Variants in LOXHD1 observed in about 807,000 individuals in gnomAD.
The protein encoded by LOXHD1 is lipoxygenase homology domain-containing protein 1.
A neutral mutation model predicts 248.2 loss-of-function variants in LOXHD1; 205 were observed. The observed-to-expected ratio is 0.83, with a 90% CI of 0.74 to 0.93. The LOEUF (loss-of-function observed/expected upper bound fraction) is 0.93. Among genes scored for constraint, LOXHD1 ranks in the 40% least tolerant of loss-of-function variants. LOXHD1 has a pLI of 0.00. For synonymous variants in LOXHD1, 1,113 were observed against 1,162.8 expected (o/e 0.96, Z 0.87); for missense variants, 2,930 against 2,971.6 (o/e 0.99, Z 0.33).
At chr18:46,517,965 C>T (rs902387017) in intron 34 of LOXHD1, among the ~76,000 whole-genome samples, 164 bp downstream of exon 34, 1 of 151,996 alleles carries the variant, frequency 6.6e-6, no homozygotes, top group Non-Finnish European at 1.5e-5. Flanking sequence ...TTGAGCTGGC[C>T]CTTGAAAGAG....
chr18:46,562,982 C>A, intron 18 of LOXHD1, 83 bp downstream of exon 18: 1 of 1,456,402 alleles, frequency 6.9e-7, no homozygotes, highest in Non-Finnish European at 9.2e-7. Flanking sequence ...TGAGTATTGA[C>A]TGAGGAAATT....
chr18:46,591,823 G>T (rs895725678), intron 12 of LOXHD1, 110 bp downstream of exon 12: 2 of 1,362,008 alleles, frequency 1.5e-6, no homozygotes, highest in Non-Finnish European at 2.0e-6. Flanking sequence ...GCACTCTAAG[G>T]GGCCTGAAGA....
intron 34 of LOXHD1, 92 bp from the exon 35 acceptor site, chr18:46,509,907 G>T: frequency 2.2e-6 from 2 of 895,288 alleles, no homozygotes; most frequent in Non-Finnish European, 1.8e-6. Flanking sequence ...TGGGGTGAGG[G>T]AGAAGATTAG....
At chr18:46,533,587 C>A in intron 27 of LOXHD1, 1 of 439,512 alleles carries the variant, frequency 2.3e-6, no homozygotes, top group East Asian at 4.3e-5. Context: ...CCTGGAGACT[C>A]AGATTCAGTG....
intron 25 of LOXHD1, among the ~76,000 whole-genome samples, chr18:46,539,314 A>C (rs1415359292): frequency 6.6e-6 from 1 of 152,198 alleles, no homozygotes; most frequent in African/African-American, 2.4e-5. Context: ...TATAAAAGTT[A>C]GCTGGACGTG....
rs116665828 is a variant in LOXHD1, at chr18:46,638,024, G to A, written c.511+1592C>T. On this transcript the variant is annotated intron_variant, in intron 4 of 40. Transcript: ENST00000642948. ...CACAGTACAAATGTCCAATGATAAG[G>A]GATCCAGTGAATAAATGATGGTATC... Among the ~76,000 whole-genome samples, 917 of 152,164 alleles carry A rather than the reference G, an allele frequency of 6.0e-3. 12 individuals are homozygous for A. Among genetic ancestry groups the A allele is most frequent in the African/African-American group, 0.021 (878 of 41,504 alleles).
intron 14 of LOXHD1, among the ~76,000 whole-genome samples, chr18:46,574,818 C>G (rs1229924773): frequency 6.6e-6 from 1 of 152,116 alleles, no homozygotes; most frequent in Non-Finnish European, 1.5e-5. Context: ...GAAGACCAGA[C>G]AAGGGATTGG....
intron 17 of LOXHD1, among the ~76,000 whole-genome samples, chr18:46,564,537 C>A (rs1271321235): frequency 6.6e-6 from 1 of 151,254 alleles, no homozygotes; most frequent in African/African-American, 2.4e-5. Flanking sequence ...TCTCTAAAAA[C>A]TAAATAAATA....
chr18:46,507,402 G>T, intron 36 of LOXHD1, 136 bp downstream of exon 36: 1 of 912,640 alleles, frequency 1.1e-6, no homozygotes, highest in Non-Finnish European at 1.7e-6. Flanking sequence ...GCGACACACT[G>T]TGGAGAAAAC....
At chr18:46,479,661 C>T (rs2032379830) in intron 40 of LOXHD1, among the ~76,000 whole-genome samples, 3 of 151,134 alleles carry the variant, frequency 2.0e-5, no homozygotes, top group African/African-American at 4.9e-5. Context: ...CCTTTGAAAA[C>T]AAGCTGTCTT....
At chr18:46,623,621 G>T (rs1229839335) in intron 4 of LOXHD1, among the ~76,000 whole-genome samples, 1 of 152,252 alleles carries the variant, frequency 6.6e-6, no homozygotes, top group Non-Finnish European at 1.5e-5. Context: ...CCCTGTGGCA[G>T]GGGCACAAGG....
In LOXHD1 at chr18:46,560,407, C is replaced by T; in HGVS notation, c.2737G>A (p.Glu913Lys). The stretch of plus-strand genomic sequence containing the variant: ...TCCTTCTCCTTCTTCTTCCGGGCCT[C>T]CTCCTCCGGCGTGAGGTCCACCTCC... ...VREVDLTPEEEARKKKEKDKL... is the reference protein window; with the variant it reads ...VREVDLTPEEKARKKKEKDKL... The change falls in exon 19 of 41, where the codon GAG (glutamate) becomes AAG (lysine). Residue 913 changes from glutamate (E) to lysine (K), a missense_variant. Coordinates refer to ENST00000642948, the MANE Select transcript of LOXHD1 (RefSeq NM_001384474.1). 1 of 1,549,718 alleles carries T rather than the reference C, an allele frequency of 6.5e-7. No individual in the cohort carries two copies. The highest frequency in any genetic ancestry group is 2.0e-5 in the Admixed American group (1 of 51,060).
Position 46,541,942 on chromosome 18 carries a change from TAG to T in LOXHD1, c.3749-4_3749-3del, listed in dbSNP as rs2144362178. 1.9e-6 allele frequency: 3 copies of T among 1,549,854 alleles called. No individual in the cohort carries two copies. Among genetic ancestry groups the T allele is most frequent in the Admixed American group, 2.0e-5 (1 of 50,888 alleles). Reference sequence around the variant, plus strand: ...CTACAAACCAGCCTGGGGCCTTGCCTAGAGAGAGAGGAGACACAAAACCCATC... The same window carrying T: ...CTACAAACCAGCCTGGGGCCTTGCCTAGAGAGAGGAGACACAAAACCCATC... On this transcript the variant is annotated splice_region_variant and splice_polypyrimidine_tract_variant and intron_variant, in intron 24 of 40. Transcript: ENST00000642948.
At chr18:46,639,228 C>T (rs1405768824) in intron 4 of LOXHD1, among the ~76,000 whole-genome samples, 1 of 152,192 alleles carries the variant, frequency 6.6e-6, no homozygotes, top group African/African-American at 2.4e-5. Flanking sequence ...GGCTGTAACT[C>T]ACCTGCCTTG....
Position 46,560,066 on chromosome 18 carries a change from C to CCCCCCCCCCCCCCCCCCCT in LOXHD1, c.3061+16_3061+17insAGGGGGGGGGGGGGGGGGG. The CCCCCCCCCCCCCCCCCCCT allele has an allele frequency of 6.6e-7, 1 of 1,518,634 alleles. No individual in the cohort carries two copies. The highest frequency in any genetic ancestry group is 8.9e-7 in the Non-Finnish European group (1 of 1,119,628). The allele number at this position is 1,518,634 out of a possible 1,614,324, so 94.1% of individuals were successfully genotyped here. A position where few individuals can be genotyped will look rare whatever the true frequency, so the allele number is the denominator to read the frequency against. On this transcript the variant is annotated intron_variant, in intron 19 of 40. Transcript: ENST00000642948. ...TGGCCACTCCCTCCCCACCCCCACC[C>CCCCCCCCCCCCCCCCCCCT]CCCACGACCCACTTACGCTCAGGAC...
In LOXHD1 at chr18:46,483,589, A is replaced by G. The variant is rs181548456; in HGVS notation, c.6339T>C (p.Asn2113=). The G allele has an allele frequency of 2.8e-5, 44 of 1,550,450 alleles. No individual in the cohort carries two copies. The East Asian group carries it at 8.3e-4, about 29-fold the overall frequency. ...TTGGGGAGAGGCTCAGTACATACAC[A>G]TTGCCGTACTCCATCTCGGTGATGG... ...TITITEMEYG[N]VYFFNCDCLI... The change falls in exon 40 of 41, where the codon AAT becomes AAC. Residue 2113 remains asparagine (N), a splice_region_variant and synonymous_variant. Transcript: ENST00000642948.
chr18:46,556,526 C>T (rs755432342), intron 21 of LOXHD1, among the ~76,000 whole-genome samples: 8 of 152,226 alleles, frequency 5.3e-5, no homozygotes, highest in African/African-American at 1.2e-4. Flanking sequence ...CAGCCTGCAA[C>T]GTGGGCAAAC....
At chr18:46,575,758 C>T (rs550356623) in intron 14 of LOXHD1, among the ~76,000 whole-genome samples, 5 of 152,252 alleles carry the variant, frequency 3.3e-5, no homozygotes, top group Admixed American at 3.3e-4. Context: ...TTAAGCCACC[C>T]AGTCTGTGCA....
At chr18:46,574,420 C>CACACACACA (rs1568195079) in intron 14 of LOXHD1, among the ~76,000 whole-genome samples, 2 of 144,140 alleles carry the variant, frequency 1.4e-5, no homozygotes, top group East Asian at 2.0e-4. Context: ...CACACACACA[C>CACACACACA]CTGATCCTAG....
Sources: allele counts gnomAD v4.1 joint callset (sites outside exome capture counted in the v4.1 genomes callset), GRCh38; gene constraint gnomAD v4.1.1; transcripts MANE v1.5; gene names NCBI Gene and HGNC (gene_info 2026-07-23, HGNC 2026-07-21).